The following ACER3 variants were observed in gnomAD, a reference collection of about 807,000 sequenced individuals.
ACER3 encodes alkCDase 3.
ACER3 carries 16 observed loss-of-function variants against 48.9 expected under a neutral mutation model. The observed-to-expected ratio is 0.33, with a 90% confidence interval of 0.22 to 0.50. The LOEUF is 0.50. Among genes scored for constraint, ACER3 ranks in the 20% least tolerant of loss-of-function variants. The pLI is 0.98. For synonymous variants in ACER3, 109 were observed against 107.8 expected (o/e 1.01, Z -0.07); for missense variants, 227 against 326.0 (o/e 0.70, Z 2.34).
intron 2 of ACER3, among the ~76,000 whole-genome samples, chr11:76,938,276 A>G (rs910056774): frequency 1.3e-5 from 2 of 152,004 alleles, no homozygotes; most frequent in South Asian, 2.1e-4. Flanking sequence ...TGGCCTGTCA[A>G]AATGCTGAGA....
intron 1 of ACER3, among the ~76,000 whole-genome samples, chr11:76,867,107 T>C (rs1945110375): frequency 1.3e-5 from 2 of 152,162 alleles, no homozygotes; most frequent in Admixed American, 1.3e-4. Context: ...TCAGCAGATA[T>C]TTACTGAGTA....
chr11:76,966,958 A>G (rs1948153905), intron 3 of ACER3, among the ~76,000 whole-genome samples: 2 of 152,152 alleles, frequency 1.3e-5, no homozygotes, highest in African/African-American at 4.8e-5. Flanking sequence ...AACTAAAATC[A>G]GAGCAGAACT....
At chr11:76,941,318 G>A (rs1947338839) in intron 2 of ACER3, among the ~76,000 whole-genome samples, 1 of 152,186 alleles carries the variant, frequency 6.6e-6, no homozygotes, top group Admixed American at 6.5e-5. Context: ...GAGGTTTCTG[G>A]TTTAGAGCAT....
At chr11:76,973,514 C>T (rs1948362472) in intron 3 of ACER3, among the ~76,000 whole-genome samples, 1 of 152,192 alleles carries the variant, frequency 6.6e-6, no homozygotes, top group Middle Eastern at 3.2e-3. Flanking sequence ...TGCCTGTCCA[C>T]ACCCTCAGCT....
At chr11:76,916,022 A>G (rs1003047118) in intron 1 of ACER3, among the ~76,000 whole-genome samples, 5 of 152,242 alleles carry the variant, frequency 3.3e-5, no homozygotes, top group African/African-American at 1.2e-4. Flanking sequence ...TGAGATTTTA[A>G]CAGTAATAAA....
chr11:76,994,519 G>T (rs1229851907), intron 6 of ACER3, among the ~76,000 whole-genome samples: 5 of 152,236 alleles, frequency 3.3e-5, no homozygotes, highest in Non-Finnish European at 5.9e-5. Context: ...GCCTGCCTTG[G>T]CATCCCAAAG....
chr11:76,914,648 A>G (rs534958965), intron 1 of ACER3, among the ~76,000 whole-genome samples: 4 of 152,332 alleles, frequency 2.6e-5, no homozygotes, highest in Middle Eastern at 3.4e-3. Context: ...CGATTCCTCA[A>G]GGATCTAGAT....
chr11:77,012,185 C>G (rs1419835039), intron 7 of ACER3, among the ~76,000 whole-genome samples: 1 of 151,896 alleles, frequency 6.6e-6, no homozygotes, highest in African/African-American at 2.4e-5. Context: ...TTTGGCAGGC[C>G]GAGGTGGGTG....
intron 1 of ACER3, among the ~76,000 whole-genome samples, chr11:76,914,106 A>G (rs953095413): frequency 1.3e-3 from 201 of 152,290 alleles, no homozygotes; most frequent in Non-Finnish European, 1.5e-4. Context: ...CTGGAAGAAA[A>G]CCTAGGCAAT....
intron 1 of ACER3, among the ~76,000 whole-genome samples, chr11:76,872,505 C>T (rs917101564): frequency 6.6e-6 from 1 of 152,286 alleles, no homozygotes; most frequent in African/African-American, 2.4e-5. Context: ...CTAATGTTCT[C>T]ATTTTACAAA....
intron 1 of ACER3, among the ~76,000 whole-genome samples, chr11:76,922,882 G>C (rs1946722227): frequency 6.6e-6 from 1 of 152,016 alleles, no homozygotes; most frequent in Non-Finnish European, 1.5e-5. Flanking sequence ...TCAGTACCTG[G>C]TACTTAATAG....
chr11:76,985,760 T>G (rs1444341774), intron 5 of ACER3, 36 bp downstream of exon 5: 1 of 1,243,278 alleles, frequency 8.0e-7, no homozygotes, highest in African/African-American at 1.6e-5. Flanking sequence ...ATTAAGCATG[T>G]AAATTCACCA....
At chr11:76,871,094 G>T (rs1945231064) in intron 1 of ACER3, among the ~76,000 whole-genome samples, 2 of 152,176 alleles carry the variant, frequency 1.3e-5, no homozygotes, top group African/African-American at 4.8e-5. Context: ...TTTCCACTTT[G>T]CAAGTGGCAA....
chr11:76,938,288 T>C (rs1360090834), intron 2 of ACER3, among the ~76,000 whole-genome samples: 1 of 152,116 alleles, frequency 6.6e-6, no homozygotes, highest in African/African-American at 2.4e-5. Context: ...ATGCTGAGAT[T>C]ACAGGCTTGA....
chr11:76,888,723 T>G (rs1372928060), intron 1 of ACER3, among the ~76,000 whole-genome samples: 1 of 152,158 alleles, frequency 6.6e-6, no homozygotes, highest in Non-Finnish European at 1.5e-5. Context: ...AGCAAGGGAA[T>G]GAGAGACTTC....
chr11:76,954,773 T>A (rs754752440), intron 2 of ACER3, among the ~76,000 whole-genome samples: 1 of 152,116 alleles, frequency 6.6e-6, no homozygotes, highest in Non-Finnish European at 1.5e-5. Context: ...GTTAACCTTC[T>A]GTATGCTTTG....
intron 7 of ACER3, among the ~76,000 whole-genome samples, chr11:77,008,710 C>A (rs775888056): frequency 2.0e-5 from 3 of 152,106 alleles, no homozygotes; most frequent in Non-Finnish European, 4.4e-5. Context: ...CCTAGAAATT[C>A]TAAATATAAT....
chr11:76,969,644 A>G (rs1044297027), intron 3 of ACER3, among the ~76,000 whole-genome samples: 2 of 151,792 alleles, frequency 1.3e-5, no homozygotes, highest in African/African-American at 4.8e-5. Flanking sequence ...TGTCCTTTGT[A>G]GGGACATGGA....
intron 1 of ACER3, among the ~76,000 whole-genome samples, chr11:76,895,414 T>C (rs1045794818): frequency 1.1e-4 from 16 of 152,314 alleles, no homozygotes; most frequent in African/African-American, 3.8e-4. Context: ...TTTGTATTTT[T>C]GTTTAGGGCC....
Sources: gnomAD v4.1 joint callset for allele counts (sites outside exome capture counted in the v4.1 genomes callset) on GRCh38, gnomAD v4.1.1 for gene constraint, MANE v1.5 for transcripts, NCBI Gene and HGNC (gene_info 2026-07-23, HGNC 2026-07-21) for gene names.